The following MTCL1 variants were observed in gnomAD, a reference collection of about 807,000 sequenced individuals.
MTCL1 encodes the protein microtubule cross-linking factor 1.
MTCL1 carries 79 observed loss-of-function variants against 141.4 expected under a neutral mutation model. The observed-to-expected ratio is 0.56, with a 90% CI of 0.47 to 0.67. The LOEUF is 0.67. MTCL1 is among the 30% of genes least tolerant of loss of function. MTCL1 has a pLI of 0.00. For synonymous variants in MTCL1, 914 were observed against 875.8 expected (o/e 1.04, Z -0.77); for missense variants, 2,177 against 2,113.9 (o/e 1.03, Z -0.59).
intron 5 of MTCL1, 91 bp downstream of exon 4, chr18:8,777,983 T>C: frequency 8.3e-7 from 1 of 1,207,200 alleles, no homozygotes; most frequent in East Asian, 2.4e-5. Flanking sequence ...GCTTTGCCTT[T>C]AAAACATCCA....
At chr18:8,789,675 C>CT in intron 7 of MTCL1, 2 of 985,272 alleles carry the variant, frequency 2.0e-6, no homozygotes, top group Non-Finnish European at 2.4e-6. Flanking sequence ...AGATAAGCTG[C>CT]TTTAATAGGG....
In MTCL1 at chr18:8,804,575, G is replaced by A. The variant is rs138910771; in HGVS notation, c.2437-2318G>A. 7.2e-5 allele frequency among the ~76,000 whole-genome samples: 11 copies of A among 152,226 alleles called. No homozygotes were observed. In the South Asian group the frequency reaches 1.5e-3, roughly 20 times the overall value. On this transcript the variant is annotated intron_variant, in intron 10 of 16. Transcript: ENST00000359865. ...ACTCATAGATGGTTCCCTATCTGCC[G>A]AGTTCTTCAAATGTTAACTGACTTG... is the stretch of plus-strand genomic sequence containing the variant.
At chr18:8,753,626 C>T (rs1332190254) in intron 4 of MTCL1, among the ~76,000 whole-genome samples, 2 of 152,172 alleles carry the variant, frequency 1.3e-5, no homozygotes, top group East Asian at 3.8e-4. Flanking sequence ...GCTGTGGTGT[C>T]ACAGCTGGGG....
intron 4 of MTCL1, among the ~76,000 whole-genome samples, chr18:8,775,118 G>T (rs545477726): frequency 2.0e-5 from 3 of 152,114 alleles, no homozygotes. Flanking sequence ...CTTTCAGTGC[G>T]TACATTGGGA....
intron 4 of MTCL1, among the ~76,000 whole-genome samples, chr18:8,725,806 T>TTTTTTTTG (rs1318404631): frequency 7.2e-6 from 1 of 138,688 alleles, no homozygotes; most frequent in Non-Finnish European, 1.5e-5. Flanking sequence ...TTTTTTTTTT[T>TTTTTTTTG]TGAGATGGAG....
At chr18:8,826,021 G>A (rs2144501821) in exon 15 of MTCL1, 2 of 1,610,148 alleles carry the variant, frequency 1.2e-6, no homozygotes, top group Middle Eastern at 1.7e-4. Context: ...TCAGAGATGT[G>A]CAGGGAGGAA....
chr18:8,811,286 A>G (rs1242041280), intron 11 of MTCL1: 1 of 152,264 alleles, frequency 6.6e-6, no homozygotes, highest in East Asian at 1.9e-4. Flanking sequence ...TCTTTTAAAC[A>G]ACCAGCTCTT....
intron 14 of MTCL1, among the ~76,000 whole-genome samples, 186 bp downstream of exon 13, chr18:8,821,684 A>G (rs563557987): frequency 6.6e-6 from 1 of 152,314 alleles, no homozygotes; most frequent in Admixed American, 6.5e-5. Flanking sequence ...TTAACAAAGA[A>G]GTTAGACGTG....
At chr18:8,788,642 T>G (rs1199892296) in intron 7 of MTCL1, among the ~76,000 whole-genome samples, 3 of 152,194 alleles carry the variant, frequency 2.0e-5, no homozygotes, top group Non-Finnish European at 4.4e-5. Flanking sequence ...TTCTTACACA[T>G]GACACATGTT....
rs377258454 is a variant in MTCL1, at chr18:8,826,199, G to A, written c.4689G>A (p.Ser1563=). The change falls in exon 15 of 17, where the codon TCG becomes TCA. Residue 1563 remains serine, a synonymous_variant. Coordinates refer to ENST00000359865, the Ensembl canonical transcript of MTCL1. ...CGGGTCTCCACAGTGACAGCCACTC[G>A]CTGGGGGACACAGCCGAGCCAGGGC... is the stretch of plus-strand genomic sequence containing the variant. The A allele has an allele frequency of 3.9e-5, 63 of 1,609,078 alleles. 1 individual carries two copies. In the East Asian group the frequency reaches 4.2e-4, roughly 11 times the overall value.
intron 4 of MTCL1, among the ~76,000 whole-genome samples, chr18:8,725,937 C>G (rs1417346870): frequency 4.0e-5 from 6 of 151,642 alleles, no homozygotes; most frequent in Admixed American, 3.9e-4. Context: ...CTACAGGCAC[C>G]CGCCACCACG....
exon 3 of MTCL1, chr18:8,718,579 A>G: frequency 1.2e-6 from 2 of 1,614,120 alleles, no homozygotes; most frequent in African/African-American, 1.3e-5. Flanking sequence ...CCGAGCAGAA[A>G]AGCCTGAAAG....
intron 4 of MTCL1, among the ~76,000 whole-genome samples, chr18:8,737,507 C>T (rs1180542639): frequency 6.6e-6 from 1 of 152,194 alleles, no homozygotes; most frequent in Non-Finnish European, 1.5e-5. Flanking sequence ...CATCAGGGTG[C>T]ATGTTCTTGA....
At chr18:8,813,312 G>A (rs1210531285) in intron 12 of MTCL1, 79 bp downstream of exon 11, 3 of 1,492,938 alleles carry the variant, frequency 2.0e-6, no homozygotes, top group Admixed American at 4.1e-5. Flanking sequence ...AAAAGCACTA[G>A]GCTGCTTCAT....
chr18:8,775,016 G>A (rs890030856), intron 4 of MTCL1, among the ~76,000 whole-genome samples: 1 of 152,140 alleles, frequency 6.6e-6, no homozygotes, highest in African/African-American at 2.4e-5. Flanking sequence ...CACCCAGAAT[G>A]TGCTCTAGCC....
At chr18:8,784,803 C>A in exon 6 of MTCL1, 1 of 1,607,496 alleles carries the variant, frequency 6.2e-7, no homozygotes, top group South Asian at 1.1e-5. Context: ...CGGGACTCCC[C>A]CATCGGGAAC....
intron 14 of MTCL1, among the ~76,000 whole-genome samples, chr18:8,821,835 C>T (rs1056717380): frequency 6.6e-6 from 1 of 152,132 alleles, no homozygotes; most frequent in East Asian, 1.9e-4. Context: ...TGGGAAAACT[C>T]TCTTTTGTAT....
At chr18:8,801,969 G>A (rs1322646512) in intron 10 of MTCL1, 5 of 152,076 alleles carry the variant, frequency 3.3e-5, no homozygotes, top group African/African-American at 9.7e-5. Flanking sequence ...ATATTTTCAG[G>A]GTCTGTCTTG....
intron 4 of MTCL1, among the ~76,000 whole-genome samples, chr18:8,773,865 T>A (rs2096494546): frequency 6.6e-6 from 1 of 152,220 alleles, no homozygotes. Flanking sequence ...TCTATTTAGT[T>A]TCATTAATCT....
Sources: gnomAD v4.1 joint callset for allele counts (sites outside exome capture counted in the v4.1 genomes callset) on GRCh38, gnomAD v4.1.1 for gene constraint, MANE v1.5 for transcripts, NCBI Gene and HGNC (gene_info 2026-07-23, HGNC 2026-07-21) for gene names.